Variants in ADAM7 observed in about 807,000 individuals in gnomAD.
ADAM7 encodes the protein disintegrin and metalloproteinase domain-containing protein 7.
ADAM7 carries 97 observed loss-of-function variants against 102.9 expected under a neutral mutation model. The observed-to-expected ratio is 0.94, with a 90% CI of 0.80 to 1.12. The LOEUF is 1.12. ADAM7 is among the 50% of genes most tolerant of loss of function. The pLI is 0.00. For missense variants in ADAM7, 991 were observed against 908.7 expected, an observed-to-expected ratio of 1.09 and a Z score of -1.16; for synonymous variants, 334 against 304.4, an observed-to-expected ratio of 1.10 and a Z score of -1.01.
At position 24,491,906 on chromosome 8, in the gene ADAM7, A is replaced by T; in HGVS notation, c.1360A>T (p.Lys454Ter). 2 of 1,598,192 alleles carry T rather than the reference A, an allele frequency of 1.3e-6. No homozygotes were observed. Among genetic ancestry groups the T allele is most frequent in the Non-Finnish European group, 1.7e-6 (2 of 1,173,208 alleles). Residue 454 changes from lysine to a stop codon, truncating the protein, a stop_gained, in exon 14 of 22, where the codon AAA (lysine) becomes TAA (stop). Coordinates refer to ENST00000175238, the MANE Select transcript of ADAM7 (RefSeq NM_003817.4). LOFTEE classifies it high-confidence loss of function. ...TCTCTTTGTTTTTCCTCAACAGATAAAAAAAGCAGGGTCCATATGCAGACC... is the reference window on the plus strand; with the variant it reads ...TCTCTTTGTTTTTCCTCAACAGATATAAAAAGCAGGGTCCATATGCAGACC... ...EGECCESCQI[K>*]KAGSICRPAK...
rs945629795 is a variant in ADAM7 at position 24,482,250 on chromosome 8, T to A, written c.814T>A (p.Ser272Thr). 6.2e-7 allele frequency: 1 copy of A among 1,611,670 alleles called. No individual in the cohort carries two copies. The highest frequency in any genetic ancestry group is 1.3e-5 in the African/African-American group (1 of 74,888). ...SNIETTLLRF[S>T]FWQEKILKTR... ...TATAGAAACTACCTTATTGCGTTTT[T>A]CATTTTGGCAAGAAAAGATCCTTAA... The change falls in exon 9 of 22, where the codon TCA (serine) becomes ACA (threonine). Residue 272 changes from serine to threonine, a missense_variant. By Grantham distance (58) the Ser-to-Thr change is moderately conservative. Transcript: ENST00000175238.
intron 8 of ADAM7, among the ~76,000 whole-genome samples, chr8:24,478,983 C>A (rs1819859524): frequency 6.6e-6 from 1 of 152,256 alleles, no homozygotes; most frequent in South Asian, 2.1e-4. Flanking sequence ...ACTGCATATT[C>A]ATCTAGTGTT....
chr8:24,467,085 T>C (rs1563381116), intron 6 of ADAM7, 97 bp downstream of exon 6: 3 of 1,189,936 alleles, frequency 2.5e-6, no homozygotes, highest in Non-Finnish European at 3.6e-6. Context: ...CTGAAATATA[T>C]GTGCTACTTT....
intron 19 of ADAM7, 102 bp downstream of exon 19, chr8:24,500,997 C>G (rs1328140272): frequency 1.1e-6 from 1 of 945,264 alleles, no homozygotes; most frequent in Non-Finnish European, 1.6e-6. Flanking sequence ...GTATAAGCTT[C>G]TTACTGAAGA....
At chr8:24,446,114 GAACA>G (rs1322037819) in intron 2 of ADAM7, among the ~76,000 whole-genome samples, 3 of 152,106 alleles carry the variant, frequency 2.0e-5, no homozygotes, top group East Asian at 1.9e-4. Flanking sequence ...ATAAATGAAT[GAACA>G]GTCATCTCAA....
In ADAM7 at chr8:24,500,165, A is replaced by G; in HGVS notation, c.1924-13A>G. On this transcript the variant is annotated splice_polypyrimidine_tract_variant and intron_variant, in intron 17 of 21. Coordinates refer to ENST00000175238, the MANE Select transcript of ADAM7 (RefSeq NM_003817.4). ...TCAGTCATTTGAGAATATATCATTGACTGCTCTTCCAGGTGGATGGCCACG... is the reference window on the plus strand; with the variant it reads ...TCAGTCATTTGAGAATATATCATTGGCTGCTCTTCCAGGTGGATGGCCACG... The G allele has an allele frequency of 1.2e-6, 2 of 1,605,904 alleles. No homozygotes were observed. The highest frequency in any genetic ancestry group is 1.7e-5 in the Admixed American group (1 of 59,234).
chr8:24,443,849 G>A (rs967053535), intron 2 of ADAM7, among the ~76,000 whole-genome samples: 3 of 151,986 alleles, frequency 2.0e-5, no homozygotes, highest in Admixed American at 2.0e-4. Flanking sequence ...GAGGTGAATC[G>A]CTTGAACCCA....
chr8:24,506,875 C>T (rs1177697107), intron 20 of ADAM7, among the ~76,000 whole-genome samples: 1 of 152,042 alleles, frequency 6.6e-6, no homozygotes, highest in Non-Finnish European at 1.5e-5. Flanking sequence ...CTCAGTAGAG[C>T]ACCTCTTACT....
rs181396859 is a variant in ADAM7 at position 24,448,588 on chromosome 8, G to A, written c.233+1326G>A. On this transcript the variant is annotated intron_variant, in intron 3 of 21. Transcript: ENST00000175238. ...AACAGAAACTGATCTTATTAATTTA[G>A]ATTTCTATTTGTCTTTCTCTCCATG... Among the ~76,000 whole-genome samples, 134 of 152,048 alleles carry A rather than the reference G, an allele frequency of 8.8e-4. 3 individuals are homozygous for A. The highest frequency in any genetic ancestry group is 8.7e-3 in the Admixed American group (133 of 15,234).
intron 3 of ADAM7, among the ~76,000 whole-genome samples, chr8:24,455,733 T>C (rs1819008046): frequency 2.0e-5 from 3 of 152,244 alleles, no homozygotes. Context: ...GAATTTTTTC[T>C]TTGTATAACA....
At chr8:24,490,459 A>G (rs1447830858) in intron 12 of ADAM7, 1 of 176,932 alleles carries the variant, frequency 5.7e-6, no homozygotes, top group African/African-American at 2.4e-5. Flanking sequence ...GATCTTCAGC[A>G]GTTGAATAGT....
chr8:24,469,334 C>T (rs970928637), intron 7 of ADAM7, among the ~76,000 whole-genome samples: 4 of 152,102 alleles, frequency 2.6e-5, no homozygotes, highest in African/African-American at 4.8e-5. Flanking sequence ...GAACTAGAAA[C>T]GCTCCACAGA....
At chr8:24,445,858 T>C (rs1377715379) in intron 2 of ADAM7, among the ~76,000 whole-genome samples, 1 of 152,202 alleles carries the variant, frequency 6.6e-6, no homozygotes, top group Non-Finnish European at 1.5e-5. Flanking sequence ...TCTTCAAATG[T>C]GTCATGTTCC....
At chr8:24,466,736 T>A in intron 5 of ADAM7, 63 bp from the exon 6 acceptor site, 1 of 1,484,944 alleles carries the variant, frequency 6.7e-7, no homozygotes. Context: ...AAAGGCAAAG[T>A]CAATACAATG....
chr8:24,446,499 T>C (rs917723261), intron 2 of ADAM7, among the ~76,000 whole-genome samples: 13 of 152,242 alleles, frequency 8.5e-5, no homozygotes, highest in East Asian at 3.9e-4. Flanking sequence ...TTTTTTTTCA[T>C]GTCATTGAAA....
At chr8:24,482,501 A>G (rs989145734) in intron 9 of ADAM7, among the ~76,000 whole-genome samples, 190 bp downstream of exon 9, 1 of 152,152 alleles carries the variant, frequency 6.6e-6, no homozygotes, top group African/African-American at 2.4e-5. Context: ...TAATCCCAAC[A>G]TTTTAGGAGA....
In ADAM7 at chr8:24,496,929, G is replaced by T. The variant is rs1463770424; in HGVS notation, c.1843-2307G>T. On this transcript the variant is annotated intron_variant, in intron 16 of 21. Transcript: ENST00000175238. ...GAAGGCATGATTGGTTTTAAAATGT[G>T]AGGACATGAGATTTGGGAGGGGCCA... Among the ~76,000 whole-genome samples, 3 of 152,176 alleles carry T rather than the reference G, an allele frequency of 2.0e-5. No homozygotes were observed. In the East Asian group the frequency reaches 5.8e-4, roughly 29 times the overall value.
intron 7 of ADAM7, among the ~76,000 whole-genome samples, chr8:24,475,577 G>GTA (rs1819741263): frequency 6.6e-6 from 1 of 152,152 alleles, no homozygotes; most frequent in African/African-American, 2.4e-5. Context: ...TAATCAGAGT[G>GTA]TAGTAGGTTG....
chr8:24,474,390 T>G (rs1415745400), intron 7 of ADAM7, among the ~76,000 whole-genome samples: 1 of 152,178 alleles, frequency 6.6e-6, no homozygotes, highest in Non-Finnish European at 1.5e-5. Flanking sequence ...GGTGAAGGGT[T>G]GCTTGGTGTG....
Sources: gnomAD v4.1 joint callset for allele counts (sites outside exome capture counted in the v4.1 genomes callset) on GRCh38, gnomAD v4.1.1 for gene constraint, MANE v1.5 for transcripts, NCBI Gene and HGNC (gene_info 2026-07-23, HGNC 2026-07-21) for gene names.